Variants in EMC3 observed in about 807,000 individuals in gnomAD.
EMC3 encodes the protein ER membrane protein complex subunit 3, also known as 30 kDa protein.
EMC3 carries 13 observed loss-of-function variants against 36.6 expected under a neutral mutation model. The ratio of observed to expected loss-of-function variants is 0.35; its 90% CI spans 0.23 to 0.56. The LOEUF is 0.56. Ranked by LOEUF, EMC3 falls within the 20% of genes least tolerant of loss-of-function variation. EMC3 has a pLI of 0.84. For synonymous variants in EMC3, 120 were observed against 111.9 expected, an observed-to-expected ratio of 1.07 and a Z score of -0.46; for missense variants, 220 against 324.5, an observed-to-expected ratio of 0.68 and a Z score of 2.47.
In EMC3 at chr3:9,978,632, C is replaced by T. The variant is rs990025713; in HGVS notation, c.156-1186G>A. 1.9e-4 allele frequency among the ~76,000 whole-genome samples: 29 copies of T among 152,100 alleles called. No homozygotes were observed. In the South Asian group the frequency reaches 3.1e-3, roughly 16 times the overall value. On this transcript the variant is annotated intron_variant, in intron 1 of 7. Coordinates refer to ENST00000245046, the MANE Select transcript of EMC3 (RefSeq NM_001394674.1). Reference sequence around the variant, plus strand: ...GGATCACGAGGTCAGGAGTTTGAGACCAGCCTTGCCAACATGATGAAACCC... The same window carrying T: ...GGATCACGAGGTCAGGAGTTTGAGATCAGCCTTGCCAACATGATGAAACCC...
At chr3:10,005,004 C>T (rs1456097902) in intron 1 of EMC3, 1 of 152,232 alleles carries the variant, frequency 6.6e-6, no homozygotes, top group African/African-American at 2.4e-5. Context: ...AGATACAAAA[C>T]TATCAGTTCA....
At chr3:10,002,594 A>G (rs916923757) in intron 1 of EMC3, 3 of 357,048 alleles carry the variant, frequency 8.4e-6, no homozygotes, top group Non-Finnish European at 1.7e-5. Flanking sequence ...CCTTGCCTTT[A>G]TGCTTAAATA....
At chr3:9,986,939 G>C (rs377507161), upstream of EMC3, 63 of 1,213,320 alleles carry the variant, frequency 5.2e-5, no homozygotes, top group Middle Eastern at 1.7e-3. Flanking sequence ...CGGTGGCCCA[G>C]GCTCGGTGGC....
chr3:9,963,477 A>ATTTTTTTTTTTT lies in EMC3; in HGVS notation c.*580_*591dup, dbSNP rs1642284. On this transcript the variant is annotated 3_prime_UTR_variant, in exon 8 of 8. Transcript: ENST00000245046. ...TAGATATATATATATATATATATATATTTTTTTTTTTTTTTCAGATGGAGT... is the reference window on the plus strand; with the variant it reads ...TAGATATATATATATATATATATATATTTTTTTTTTTTTTTTTTTTTTTTTTTCAGATGGAGT... 5.6e-5 allele frequency: 5 copies of ATTTTTTTTTTTT among 88,918 alleles called. No homozygotes were observed. The highest frequency in any genetic ancestry group is 2.3e-4 in the African/African-American group (5 of 21,320). The allele number at this position is 88,918 out of a possible 1,614,324, so 5.5% of individuals were successfully genotyped here.
chr3:10,005,948 G>T (rs534819362), intron 1 of EMC3, among the ~76,000 whole-genome samples: 2 of 152,280 alleles, frequency 1.3e-5, no homozygotes, highest in Admixed American at 1.3e-4. Context: ...ACTGATGCGG[G>T]CTCATAGGGA....
intron 1 of EMC3, among the ~76,000 whole-genome samples, chr3:9,985,935 A>G (rs1169525103): frequency 6.6e-6 from 1 of 152,200 alleles, no homozygotes; most frequent in Admixed American, 6.5e-5. Flanking sequence ...AAATACTGCA[A>G]TGAAATATGT....
At chr3:9,967,135 G>A (rs6443275) in intron 7 of EMC3, among the ~76,000 whole-genome samples, 53,328 of 151,958 alleles carry the variant, frequency 0.35, 12,281 homozygotes, top group African/African-American at 0.66. Context: ...TATTTTATAT[G>A]AGTAATATCA....
At position 9,973,685 on chromosome 3, in the gene EMC3, A is replaced by C. The variant is rs746420664; in HGVS notation, c.437T>G (p.Leu146Arg). The change falls in exon 5 of 8, where the codon CTC becomes CGC. Residue 146 changes from leucine to arginine, a missense_variant. Transcript: ENST00000245046. ...VTTKVPFPLTLRFKPMLQQGI... is the reference protein window; with the variant it reads ...VTTKVPFPLTRRFKPMLQQGI... The stretch of plus-strand genomic sequence containing the variant: ...TTGCTGTAACATAGGCTTAAAACGG[A>C]GGGTCAGTGGAAATGGGACCTTGGC... 6.2e-7 allele frequency: 1 copy of C among 1,614,000 alleles called. No homozygotes were observed. Among genetic ancestry groups the C allele is most frequent in the African/African-American group, 1.3e-5 (1 of 74,918 alleles).
At chr3:9,994,791 C>G (rs190208133) in intron 1 of EMC3, among the ~76,000 whole-genome samples, 1 of 151,976 alleles carries the variant, frequency 6.6e-6, no homozygotes, top group African/African-American at 2.4e-5. Context: ...ATCCTGGTCT[C>G]GAACTCCTGA....
At chr3:10,003,308 G>T (rs923706811) in intron 1 of EMC3, 3 of 430,788 alleles carry the variant, frequency 7.0e-6, no homozygotes, top group Non-Finnish European at 1.4e-5. Flanking sequence ...CCGCAGGGCT[G>T]CCAGGGGATG....
At chr3:9,984,457 T>C (rs1469886554) in intron 1 of EMC3, among the ~76,000 whole-genome samples, 1 of 151,420 alleles carries the variant, frequency 6.6e-6, no homozygotes, top group East Asian at 1.9e-4. Context: ...TGGCGCGATC[T>C]TGGCTCACTG....
At chr3:9,988,186 G>A (rs1272633828), upstream of EMC3, among the ~76,000 whole-genome samples, 1 of 152,114 alleles carries the variant, frequency 6.6e-6, no homozygotes, top group Non-Finnish European at 1.5e-5. Context: ...GGCTATGTAT[G>A]TGTTCATATG....
upstream of EMC3, chr3:9,986,844 G>C (rs1276924095): frequency 1.4e-6 from 2 of 1,386,068 alleles, no homozygotes; most frequent in Non-Finnish European, 1.9e-6. Context: ...TTCCACTTCC[G>C]GCGCGAACGT....
intron 1 of EMC3, chr3:10,003,150 G>T (rs1469334853): frequency 2.2e-6 from 1 of 456,444 alleles, no homozygotes; most frequent in East Asian, 6.9e-5. Context: ...AACACCCTGT[G>T]GCCTTCTCCA....
chr3:9,968,026 A>T (rs2085749683), intron 7 of EMC3, among the ~76,000 whole-genome samples: 1 of 152,186 alleles, frequency 6.6e-6, no homozygotes, highest in Admixed American at 6.5e-5. Flanking sequence ...GGTTCAAGTG[A>T]TTCTCCTGCC....
intron 6 of EMC3, among the ~76,000 whole-genome samples, chr3:9,970,211 T>C (rs569537479): frequency 6.6e-6 from 1 of 152,334 alleles, no homozygotes; most frequent in South Asian, 2.1e-4. Context: ...GTAACTTTTC[T>C]GAGGTCCCAG....
chr3:9,992,766 A>C, intron 1 of EMC3: 1 of 735,080 alleles, frequency 1.4e-6, no homozygotes, highest in South Asian at 1.8e-5. Context: ...GAGTGTGTGG[A>C]ACAAATGAGC....
At chr3:9,999,783 T>C (rs1302495849) in intron 1 of EMC3, among the ~76,000 whole-genome samples, 1 of 152,216 alleles carries the variant, frequency 6.6e-6, no homozygotes, top group African/African-American at 2.4e-5. Context: ...CTTGTTACTA[T>C]TTTAAAAGCA....
chr3:9,991,739 G>A (rs2086055048), upstream of EMC3, among the ~76,000 whole-genome samples: 1 of 152,134 alleles, frequency 6.6e-6, no homozygotes, highest in Non-Finnish European at 1.5e-5. Context: ...TCTTTCCTCT[G>A]TCAAAAAATA....
Sources: allele counts gnomAD v4.1 joint callset (sites outside exome capture counted in the v4.1 genomes callset), GRCh38; gene constraint gnomAD v4.1.1; transcripts MANE v1.5; gene names NCBI Gene and HGNC (gene_info 2026-07-23, HGNC 2026-07-21).